CNTLN: variants seen among roughly 807,000 people sequenced by gnomAD.
The protein encoded by CNTLN is centlein.
CNTLN carries 212 observed loss-of-function variants against 180.0 expected under a neutral mutation model. The observed-to-expected ratio is 1.18, with a 90% confidence interval of 1.05 to 1.32. The LOEUF (loss-of-function observed/expected upper bound fraction) is 1.32. CNTLN is among the 40% of genes most tolerant of loss of function. The pLI, the probability that CNTLN is intolerant of heterozygous loss-of-function variation, is 0.00. For missense variants in CNTLN, 2,095 were observed against 1,610.9 expected, an observed-to-expected ratio of 1.30 and a Z score of -5.14; for synonymous variants, 722 against 563.1, an observed-to-expected ratio of 1.28 and a Z score of -3.99.
intron 2 of CNTLN, among the ~76,000 whole-genome samples, chr9:17,171,642 G>A (rs1368337965): frequency 6.6e-6 from 1 of 152,142 alleles, no homozygotes; most frequent in Non-Finnish European, 1.5e-5. Context: ...AGTGGCCATG[G>A]AGCTGATGTT....
At chr9:17,459,013 TCTTA>T (rs1831298910) in intron 19 of CNTLN, among the ~76,000 whole-genome samples, 1 of 151,826 alleles carries the variant, frequency 6.6e-6, no homozygotes, top group South Asian at 2.1e-4. Context: ...AGACTTTAAT[TCTTA>T]CTTCTGTGAT....
At chr9:17,379,259 GT>G (rs532880131) in intron 13 of CNTLN, among the ~76,000 whole-genome samples, 35 of 148,652 alleles carry the variant, frequency 2.4e-4, no homozygotes, top group African/African-American at 3.4e-4. Context: ...CCTTTTGGAT[GT>G]TTTTTTTTTC....
intron 2 of CNTLN, among the ~76,000 whole-genome samples, chr9:17,158,979 T>TA (rs1367912907): frequency 4.6e-5 from 7 of 152,144 alleles, no homozygotes; most frequent in African/African-American, 1.7e-4. Flanking sequence ...CATTTATAGT[T>TA]ATATCCTTCC....
At chr9:17,236,051 T>A (rs558393284) in intron 4 of CNTLN, among the ~76,000 whole-genome samples, 1 of 152,180 alleles carries the variant, frequency 6.6e-6, no homozygotes, top group Non-Finnish European at 1.5e-5. Context: ...TGTGGCTTCT[T>A]GTAATTAGAT....
chr9:17,309,319 T>G lies in CNTLN; in HGVS notation c.1341+67T>G, dbSNP rs964973210. On this transcript the variant is annotated intron_variant, in intron 8 of 25. Coordinates refer to ENST00000380647, the MANE Select transcript of CNTLN (RefSeq NM_017738.4). ...AATGAAATCATCTCCTACAATTGACTAAAACATAAAAATTTAAATATATTT... is the reference window on the plus strand; with the variant it reads ...AATGAAATCATCTCCTACAATTGACGAAAACATAAAAATTTAAATATATTT... The G allele has an allele frequency of 1.1e-5, 14 of 1,242,350 alleles. No homozygotes were observed. The African/African-American group carries it at 1.8e-4, about 16-fold the overall frequency. 77.0% of individuals were successfully genotyped at this position (1,242,350 alleles called of 1,614,324 possible).
At chr9:17,177,308 C>G (rs1463421922) in intron 2 of CNTLN, among the ~76,000 whole-genome samples, 1 of 151,976 alleles carries the variant, frequency 6.6e-6, no homozygotes, top group East Asian at 1.9e-4. Context: ...GCTCTGGAGG[C>G]TGAGGTAGGA....
At chr9:17,517,604 T>A in the CNTLN span, among the ~76,000 whole-genome samples, 30 of 151,810 alleles carry the variant, frequency 2.0e-4, no homozygotes, top group African/African-American at 6.8e-4. Context: ...GAGGTATAGT[T>A]TGGAGTTAGG....
chr9:17,318,179 C>T (rs1470041560), intron 8 of CNTLN, among the ~76,000 whole-genome samples: 1 of 151,874 alleles, frequency 6.6e-6, no homozygotes, highest in African/African-American at 2.4e-5. Context: ...AGGCGCCCAC[C>T]ACCACGCCCG....
chr9:17,434,209 TTTTC>T (rs1477862054), intron 18 of CNTLN, among the ~76,000 whole-genome samples: 1 of 152,076 alleles, frequency 6.6e-6, no homozygotes, highest in African/African-American at 2.4e-5. Context: ...GTTTCATTGA[TTTTC>T]TTTGTTTTTC....
At chr9:17,522,068 T>C in the CNTLN span, among the ~76,000 whole-genome samples, 1 of 152,274 alleles carries the variant, frequency 6.6e-6, no homozygotes, top group East Asian at 1.9e-4. Flanking sequence ...CCCACCTGTA[T>C]GCATTTTCTG....
chr9:17,388,832 T>A (rs1234290999), intron 14 of CNTLN, among the ~76,000 whole-genome samples: 1 of 151,738 alleles, frequency 6.6e-6, no homozygotes, highest in Non-Finnish European at 1.5e-5. Context: ...AGTAAAATAC[T>A]GTTTTAAAAT....
chr9:17,367,820 T>G (rs938572389), intron 13 of CNTLN, among the ~76,000 whole-genome samples: 2 of 152,064 alleles, frequency 1.3e-5, no homozygotes, highest in African/African-American at 4.8e-5. Context: ...TGAAGAGCCC[T>G]TGGGCCCTGA....
At chr9:17,138,089 T>A (rs1044060653) in intron 1 of CNTLN, among the ~76,000 whole-genome samples, 4 of 152,216 alleles carry the variant, frequency 2.6e-5, no homozygotes, top group African/African-American at 9.6e-5. Flanking sequence ...AGGGTAATTT[T>A]GCATCCATGG....
At chr9:17,387,147 G>A (rs1587850557) in intron 13 of CNTLN, among the ~76,000 whole-genome samples, 1 of 152,238 alleles carries the variant, frequency 6.6e-6, no homozygotes. Context: ...TAACAAACTT[G>A]TTAGTCACTG....
rs150197759 is a variant in CNTLN at position 17,248,136 on chromosome 9, C to A, written c.849+11548C>A. On this transcript the variant is annotated intron_variant, in intron 5 of 25. Transcript: ENST00000380647. Reference sequence around the variant, plus strand: ...CCACTGCACCCAGCCTCGTCTTTCACTATACTGGTGTGGTGTACTCTATTA... The same window carrying A: ...CCACTGCACCCAGCCTCGTCTTTCAATATACTGGTGTGGTGTACTCTATTA... Among the ~76,000 whole-genome samples the A allele has an allele frequency of 6.1e-3, 925 of 152,260 alleles. 8 individuals are homozygous for A. Among genetic ancestry groups the A allele is most frequent in the Admixed American group, 9.6e-3 (146 of 15,284 alleles).
At chr9:17,340,139 T>G (rs892154492) in intron 10 of CNTLN, among the ~76,000 whole-genome samples, 2 of 152,140 alleles carry the variant, frequency 1.3e-5, no homozygotes, top group African/African-American at 4.8e-5. Flanking sequence ...AGGGAAGCCC[T>G]GTTTCCAGAA....
chr9:17,245,284 T>G (rs1825733616), intron 5 of CNTLN, among the ~76,000 whole-genome samples: 1 of 152,114 alleles, frequency 6.6e-6, no homozygotes, highest in Non-Finnish European at 1.5e-5. Context: ...GTCTTTTGTT[T>G]GAAGGATATT....
chr9:17,309,859 CTG>C (rs1428193679), intron 8 of CNTLN, among the ~76,000 whole-genome samples: 6 of 152,054 alleles, frequency 3.9e-5, no homozygotes, highest in East Asian at 1.9e-4. Context: ...AAAAAAATCT[CTG>C]TGAATTTATT....
At chr9:17,527,084 T>C in the CNTLN span, among the ~76,000 whole-genome samples, 1 of 152,186 alleles carries the variant, frequency 6.6e-6, no homozygotes, top group South Asian at 2.1e-4. Context: ...GGTTTCACCA[T>C]GTTGGCCGGG....
Sources: gnomAD v4.1 joint callset for allele counts (sites outside exome capture counted in the v4.1 genomes callset) on GRCh38, gnomAD v4.1.1 for gene constraint, MANE v1.5 for transcripts, NCBI Gene and HGNC (gene_info 2026-07-23, HGNC 2026-07-21) for gene names.